The following SPEF2 variants were observed in gnomAD, a reference collection of about 807,000 sequenced individuals.
SPEF2 encodes the protein sperm flagellar and cilia associated 2, also known as sperm flagella and cilia-associated protein 2.
SPEF2 carries 187 observed loss-of-function variants against 224.6 expected under a neutral mutation model. The ratio of observed to expected loss-of-function variants is 0.83; its 90% CI spans 0.74 to 0.94. The LOEUF (loss-of-function observed/expected upper bound fraction) is 0.94. Among genes scored for constraint, SPEF2 ranks in the 40% least tolerant of loss-of-function variants. The pLI, the probability that SPEF2 is intolerant of heterozygous loss-of-function variation, is 0.00. For synonymous variants in SPEF2, 715 were observed against 707.3 expected (o/e 1.01, Z -0.17); for missense variants, 2,170 against 2,135.6 (o/e 1.02, Z -0.32).
At chr5:35,667,976 A>G (rs1405611357) in intron 9 of SPEF2, among the ~76,000 whole-genome samples, 2 of 152,150 alleles carry the variant, frequency 1.3e-5, no homozygotes, top group African/African-American at 4.8e-5. Context: ...TTACACACCT[A>G]TAAGAATGGT....
intron 23 of SPEF2, among the ~76,000 whole-genome samples, chr5:35,748,660 G>A (rs1748936639): frequency 2.6e-5 from 4 of 152,112 alleles, no homozygotes; most frequent in Admixed American, 1.3e-4. Flanking sequence ...ATAACAAGCA[G>A]TGAGATTGAA....
At chr5:35,655,993 G>C (rs1748903715) in intron 7 of SPEF2, among the ~76,000 whole-genome samples, 1 of 152,152 alleles carries the variant, frequency 6.6e-6, no homozygotes, top group South Asian at 2.1e-4. Context: ...TGGCAATAGG[G>C]ATTGAGAGAA....
At chr5:35,762,185 T>A (rs1751381201) in intron 25 of SPEF2, among the ~76,000 whole-genome samples, 2 of 152,154 alleles carry the variant, frequency 1.3e-5, no homozygotes, top group Admixed American at 1.3e-4. Context: ...TAAAGTCAAA[T>A]GACATGCTCA....
intron 36 of SPEF2, among the ~76,000 whole-genome samples, chr5:35,810,494 T>A (rs1439250458): frequency 3.3e-5 from 5 of 152,194 alleles, no homozygotes. Flanking sequence ...GGACTCCTTT[T>A]AAGTTATACA....
intron 34 of SPEF2, among the ~76,000 whole-genome samples, 155 bp downstream of exon 34, chr5:35,800,302 C>A (rs1005576904): frequency 2.0e-5 from 3 of 152,136 alleles, no homozygotes; most frequent in African/African-American, 7.2e-5. Context: ...CAAAGCCTTA[C>A]TCAATTGGAT....
chr5:35,626,924 C>T (rs114099507), intron 1 of SPEF2, among the ~76,000 whole-genome samples: 2,978 of 152,142 alleles, frequency 0.02, 57 homozygotes, highest in South Asian at 0.065. Flanking sequence ...AACCAAGCAT[C>T]GCTTCTACAA....
In SPEF2 at chr5:35,765,294, G is replaced by A. The variant is rs143506573; in HGVS notation, c.3801+1592G>A. Among the ~76,000 whole-genome samples the A allele has an allele frequency of 8.5e-3, 1,292 of 152,006 alleles. 16 individuals carry two copies. Among genetic ancestry groups the A allele is most frequent in the African/African-American group, 0.03 (1,231 of 41,458 alleles). ...GTTGTTCATTTTTTGTTGCTGTATT[G>A]TGTTGCATTATATGAATGTATCACA... On this transcript the variant is annotated intron_variant, in intron 26 of 36. Transcript: ENST00000356031.
chr5:35,618,878 TC>T lies in SPEF2; in HGVS notation c.58+824del, dbSNP rs60308264. ...TCAGTTGGTTTTGTTTGTCTTTTTT[TC>T]TTTTTTTGCTTAAGGGAAGAGGTTT... On this transcript the variant is annotated intron_variant, in intron 1 of 36. Coordinates refer to ENST00000356031, the MANE Select transcript of SPEF2 (RefSeq NM_024867.4). Among the ~76,000 whole-genome samples, 1,139 of 151,078 alleles carry T rather than the reference TC, an allele frequency of 7.5e-3. 12 individuals are homozygous for T. Among genetic ancestry groups the T allele is most frequent in the African/African-American group, 0.026 (1,070 of 41,154 alleles).
chr5:35,747,285 C>A (rs186156375), intron 23 of SPEF2, among the ~76,000 whole-genome samples: 211 of 151,832 alleles, frequency 1.4e-3, no homozygotes, highest in Middle Eastern at 6.8e-3. Flanking sequence ...ACAAAAAAAA[C>A]CAAAAGTACA....
chr5:35,737,765 T>C (rs1746868203), intron 21 of SPEF2, among the ~76,000 whole-genome samples: 1 of 152,186 alleles, frequency 6.6e-6, no homozygotes. Context: ...TATTTCCAGA[T>C]CTAGATCCCT....
intron 10 of SPEF2, among the ~76,000 whole-genome samples, chr5:35,681,200 A>G (rs1752749972): frequency 6.6e-6 from 1 of 152,212 alleles, no homozygotes; most frequent in African/African-American, 2.4e-5. Context: ...AGAGATTCAC[A>G]TTATAAAAAA....
Position 35,759,721 on chromosome 5 carries a change from T to C in SPEF2, c.3620+2T>C. 6.4e-7 allele frequency: 1 copy of C among 1,567,808 alleles called. No individual in the cohort carries two copies. Among genetic ancestry groups the C allele is most frequent in the Non-Finnish European group, 8.7e-7 (1 of 1,148,816 alleles). ...AGACAATTCTGAAAGCCAGCTTAGG[T>C]AAGGCAGGCTATTATATCACACTGT... is the stretch of plus-strand genomic sequence containing the variant. On this transcript the variant is annotated splice_donor_variant, in intron 25 of 36. Coordinates refer to ENST00000356031, the MANE Select transcript of SPEF2 (RefSeq NM_024867.4). LOFTEE classifies it high-confidence loss of function.
chr5:35,789,501 G>A, intron 30 of SPEF2: 2 of 651,528 alleles, frequency 3.1e-6, no homozygotes, highest in Non-Finnish European at 5.5e-6. Context: ...CCCCAGACTA[G>A]GGCCAAAAGA....
chr5:35,635,270 A>T (rs1320538165), intron 2 of SPEF2, among the ~76,000 whole-genome samples: 1 of 151,980 alleles, frequency 6.6e-6, no homozygotes, highest in African/African-American at 2.4e-5. Context: ...TCAGAATTTC[A>T]CTGTGTTCCT....
chr5:35,773,838 T>TA, intron 27 of SPEF2, 55 bp from the exon 28 acceptor site: 1 of 1,559,836 alleles, frequency 6.4e-7, no homozygotes, highest in Non-Finnish European at 8.7e-7. Flanking sequence ...CCAAGTACTA[T>TA]GTGCACACCT....
In SPEF2 at chr5:35,808,024, C is replaced by T. The variant is rs1022029774; in HGVS notation, c.5379+771C>T. On this transcript the variant is annotated intron_variant, in intron 36 of 36. Coordinates refer to ENST00000356031, the MANE Select transcript of SPEF2 (RefSeq NM_024867.4). ...GTGTTTGCTGAGTTGAAAATAAAAG[C>T]GCTTTCACTTTGATAGAATGTAGAT... 21 of 1,183,096 alleles carry T rather than the reference C, an allele frequency of 1.8e-5. 1 individual carries two copies. Among genetic ancestry groups the T allele is most frequent in the South Asian group, 6.7e-5 (2 of 30,032 alleles). 73.3% of individuals were successfully genotyped at this position (1,183,096 alleles called of 1,614,324 possible).
rs772068931 is a variant in SPEF2 at position 35,773,072 on chromosome 5, G to A, written c.3950-821G>A. On this transcript the variant is annotated intron_variant, in intron 27 of 36. Coordinates refer to ENST00000356031, the MANE Select transcript of SPEF2 (RefSeq NM_024867.4). ...TAATCACTGATGTACTTATAGTTAAGTTCTAATTAAAATATAATTAAATTA... is the reference window on the plus strand; with the variant it reads ...TAATCACTGATGTACTTATAGTTAAATTCTAATTAAAATATAATTAAATTA... 8.9e-4 allele frequency among the ~76,000 whole-genome samples: 135 copies of A among 152,116 alleles called. 1 individual carries two copies. Among genetic ancestry groups the A allele is most frequent in the Non-Finnish European group, 1.8e-3 (122 of 68,002 alleles).
At chr5:35,656,203 A>G (rs1748932960) in intron 7 of SPEF2, among the ~76,000 whole-genome samples, 1 of 152,214 alleles carries the variant, frequency 6.6e-6, no homozygotes, top group African/African-American at 2.4e-5. Flanking sequence ...GAATGTAAAT[A>G]GGACAAATCT....
At chr5:35,735,758 A>T (rs780039965) in intron 21 of SPEF2, among the ~76,000 whole-genome samples, 1 of 152,188 alleles carries the variant, frequency 6.6e-6, no homozygotes, top group Non-Finnish European at 1.5e-5. Context: ...TTGATTGTTT[A>T]TTTGCATTAT....
Sources: gnomAD v4.1 joint callset for allele counts (sites outside exome capture counted in the v4.1 genomes callset) on GRCh38, gnomAD v4.1.1 for gene constraint, MANE v1.5 for transcripts, NCBI Gene and HGNC (gene_info 2026-07-23, HGNC 2026-07-21) for gene names.